The following RBM6 variants were observed in gnomAD, a reference collection of about 807,000 sequenced individuals.
RBM6 encodes the protein RNA binding motif protein 6.
RBM6 carries 23 observed loss-of-function variants against 140.4 expected under a neutral mutation model. That is an observed-to-expected ratio of 0.16 (90% CI 0.12 to 0.23). RBM6 has a LOEUF of 0.23. Ranked by LOEUF, RBM6 falls within the 10% of genes least tolerant of loss-of-function variation. The probability of loss-of-function intolerance (pLI) is 1.00; values close to 1 mark genes in which losing one functional copy is unlikely to be tolerated. For missense variants in RBM6, 1,139 were observed against 1,386.7 expected (o/e 0.82, Z 2.84); for synonymous variants, 439 against 475.6 (o/e 0.92, Z 1.00).
At chr3:50,060,799 A>G in intron 11 of RBM6, 157 bp from the exon 12 acceptor site, 1 of 445,984 alleles carries the variant, frequency 2.2e-6, no homozygotes, top group East Asian at 3.6e-5. Flanking sequence ...TCATTCTTTC[A>G]GGAGTGTCTG....
chr3:50,047,054 C>G (rs2089258918), intron 6 of RBM6: 1 of 447,392 alleles, frequency 2.2e-6, no homozygotes, highest in Non-Finnish European at 3.0e-6. Context: ...AATAGTGTCT[C>G]AGACCAGATG....
At chr3:50,075,912 A>G (rs1169765568) in intron 20 of RBM6, among the ~76,000 whole-genome samples, 1 of 152,002 alleles carries the variant, frequency 6.6e-6, no homozygotes, top group Admixed American at 6.6e-5. Context: ...TCTTGCAATC[A>G]TAGCATCACC....
At chr3:50,064,223 G>T (rs1315019552) in intron 15 of RBM6, among the ~76,000 whole-genome samples, 3 of 152,022 alleles carry the variant, frequency 2.0e-5, no homozygotes, top group African/African-American at 7.2e-5. Flanking sequence ...GAGCCACTGC[G>T]CCCAGCCTTT....
intron 6 of RBM6, among the ~76,000 whole-genome samples, chr3:50,003,734 C>T (rs969531098): frequency 4.6e-5 from 7 of 152,132 alleles, no homozygotes; most frequent in African/African-American, 1.2e-4. Context: ...CTGTGGTGAC[C>T]GATCAGGGTA....
chr3:49,976,400 A>C (rs550623629), intron 5 of RBM6, among the ~76,000 whole-genome samples: 1 of 152,348 alleles, frequency 6.6e-6, no homozygotes, highest in South Asian at 2.1e-4. Flanking sequence ...ATTTGAGAAC[A>C]AGCTCAGAAG....
At chr3:49,944,022 T>A (rs183608036) in intron 1 of RBM6, among the ~76,000 whole-genome samples, 1 of 152,342 alleles carries the variant, frequency 6.6e-6, no homozygotes, top group African/African-American at 2.4e-5. Context: ...TGTACCTTTT[T>A]ACCCATTTTT....
At chr3:49,955,868 G>A (rs1251047292) in intron 1 of RBM6, among the ~76,000 whole-genome samples, 2 of 151,310 alleles carry the variant, frequency 1.3e-5, no homozygotes, top group Non-Finnish European at 2.9e-5. Flanking sequence ...CTCTGTGTGT[G>A]TGTGTGTGTG....
intron 18 of RBM6, among the ~76,000 whole-genome samples, chr3:50,069,071 C>T (rs909108785): frequency 5.9e-5 from 9 of 152,106 alleles, no homozygotes; most frequent in Non-Finnish European, 5.9e-5. Flanking sequence ...TGTTGAATAG[C>T]GCTGCTGAAA....
intron 6 of RBM6, among the ~76,000 whole-genome samples, chr3:50,038,548 C>T (rs754332030): frequency 6.6e-6 from 1 of 151,994 alleles, no homozygotes; most frequent in Non-Finnish European, 1.5e-5. Flanking sequence ...TGATGTAAAT[C>T]AGGCCGGGTA....
chr3:49,976,898 C>T (rs1370201733), intron 5 of RBM6, among the ~76,000 whole-genome samples: 3 of 152,130 alleles, frequency 2.0e-5, no homozygotes, highest in African/African-American at 4.8e-5. Context: ...AAAAATAAAA[C>T]GAAAAATACC....
At chr3:50,012,073 A>C (rs1393805363) in intron 6 of RBM6, among the ~76,000 whole-genome samples, 1 of 151,932 alleles carries the variant, frequency 6.6e-6, no homozygotes, top group Non-Finnish European at 1.5e-5. Flanking sequence ...TTGGTCTTGA[A>C]CTTCTAAACT....
At chr3:49,977,129 C>T (rs774532711) in intron 5 of RBM6, among the ~76,000 whole-genome samples, 10 of 152,208 alleles carry the variant, frequency 6.6e-5, no homozygotes, top group Admixed American at 5.9e-4. Context: ...CCAGCTTCTT[C>T]TTTTGTCTTA....
chr3:50,069,261 C>T (rs1466096405), intron 18 of RBM6, among the ~76,000 whole-genome samples: 1 of 152,066 alleles, frequency 6.6e-6, no homozygotes, highest in Non-Finnish European at 1.5e-5. Context: ...GCCTATAATC[C>T]CAGTACTTTG....
chr3:50,002,959 CA>C (rs1445704517), intron 6 of RBM6, among the ~76,000 whole-genome samples: 2 of 151,538 alleles, frequency 1.3e-5, no homozygotes, highest in African/African-American at 4.8e-5. Flanking sequence ...TACTAAAATA[CA>C]AAAAAATTAG....
chr3:49,993,590 C>T (rs771007782), intron 5 of RBM6, among the ~76,000 whole-genome samples: 7 of 151,720 alleles, frequency 4.6e-5, no homozygotes, highest in Non-Finnish European at 8.8e-5. Flanking sequence ...TGCAATGAGC[C>T]GAGATTGCGC....
chr3:49,984,149 T>C (rs2085436864), intron 5 of RBM6, among the ~76,000 whole-genome samples: 2 of 151,964 alleles, frequency 1.3e-5, no homozygotes, highest in Non-Finnish European at 1.5e-5. Context: ...CAAAAAAAAT[T>C]AGCTGGATGT....
At chr3:49,973,744 C>T (rs2084913503) in intron 4 of RBM6, among the ~76,000 whole-genome samples, 1 of 151,556 alleles carries the variant, frequency 6.6e-6, no homozygotes, top group South Asian at 2.1e-4. Context: ...TGCCACTGCA[C>T]CCAGCTGATT....
intron 6 of RBM6, among the ~76,000 whole-genome samples, chr3:50,024,735 C>T (rs910420101): frequency 7.2e-5 from 11 of 152,076 alleles, no homozygotes; most frequent in Non-Finnish European, 1.2e-4. Flanking sequence ...GTGCAGATTA[C>T]GAGGTCAGGA....
At chr3:50,008,759 C>T (rs1014072482) in intron 6 of RBM6, among the ~76,000 whole-genome samples, 1 of 152,014 alleles carries the variant, frequency 6.6e-6, no homozygotes, top group African/African-American at 2.4e-5. Context: ...CCATGTTGGC[C>T]AGGCTGGACT....
Sources: gnomAD v4.1 joint callset for allele counts (sites outside exome capture counted in the v4.1 genomes callset) on GRCh38, gnomAD v4.1.1 for gene constraint, MANE v1.5 for transcripts, NCBI Gene and HGNC (gene_info 2026-07-23, HGNC 2026-07-21) for gene names.